Variants in CEP83 observed in about 807,000 individuals in gnomAD.
CEP83 encodes the protein centrosomal protein 83, also known as centrosomal protein of 83 kDa.
Under a neutral mutation model 101.9 loss-of-function variants are expected in CEP83, and 70 were observed. That is an observed-to-expected ratio of 0.69 (90% CI 0.57 to 0.84). The LOEUF (loss-of-function observed/expected upper bound fraction) is 0.84. CEP83 is among the 40% of genes least tolerant of loss of function. CEP83 has a pLI of 0.00. For synonymous variants in CEP83, 264 were observed against 267.9 expected (o/e 0.99, Z 0.14); for missense variants, 715 against 787.2 (o/e 0.91, Z 1.10).
chr12:94,391,145 C>T (rs188605608), intron 6 of CEP83, among the ~76,000 whole-genome samples: 4 of 152,140 alleles, frequency 2.6e-5, no homozygotes, highest in African/African-American at 7.2e-5. Context: ...AGACACTCCT[C>T]GAGAAGAGCA....
the CEP83 span, chr12:94,279,372 A>G: frequency 6.7e-5 from 59 of 881,346 alleles, no homozygotes; most frequent in Middle Eastern, 2.3e-4. Context: ...ATGTGCTGTC[A>G]GAGGTATTAG....
At chr12:94,348,319 T>A (rs2060036404) in intron 11 of CEP83, among the ~76,000 whole-genome samples, 1 of 152,064 alleles carries the variant, frequency 6.6e-6, no homozygotes, top group South Asian at 2.1e-4. Context: ...TTGGAGCTGA[T>A]CCTCTACAAC....
intron 1 of CEP83, among the ~76,000 whole-genome samples, chr12:94,450,624 A>G (rs2067180782): frequency 6.6e-6 from 1 of 152,230 alleles, no homozygotes; most frequent in South Asian, 2.1e-4. Flanking sequence ...AGAGCATCAA[A>G]ATTATAACAG....
intron 11 of CEP83, among the ~76,000 whole-genome samples, chr12:94,337,652 G>GA (rs1035422428): frequency 7.2e-5 from 11 of 152,098 alleles, no homozygotes; most frequent in African/African-American, 2.7e-4. Flanking sequence ...ACAAGGAACA[G>GA]AAAAAACTGC....
Position 94,323,129 on chromosome 12 carries a change from A to G in CEP83, c.1707+8571T>C, listed in dbSNP as rs2058818711. 1.3e-5 allele frequency among the ~76,000 whole-genome samples: 2 copies of G among 152,160 alleles called. 1 individual carries two copies. The highest frequency in any genetic ancestry group is 4.1e-4 in the South Asian group (2 of 4,834). On this transcript the variant is annotated intron_variant, in intron 14 of 16. Coordinates refer to ENST00000397809, the MANE Select transcript of CEP83 (RefSeq NM_016122.3). ...CCAAGCCAGTGGGTCTTATCCTGCA[A>G]GGTGCCATGGTAGTGGGGCCTGCAG...
intron 11 of CEP83, among the ~76,000 whole-genome samples, chr12:94,352,506 A>G (rs2060249053): frequency 6.6e-6 from 1 of 151,990 alleles, no homozygotes; most frequent in Non-Finnish European, 1.5e-5. Context: ...CCCTAACGAA[A>G]AAGAAATCTA....
chr12:94,427,014 G>A (rs936263729), intron 2 of CEP83, among the ~76,000 whole-genome samples: 2 of 152,102 alleles, frequency 1.3e-5, no homozygotes, highest in African/African-American at 4.8e-5. Context: ...CTATTATATG[G>A]TAATTTGTAA....
chr12:94,436,283 T>C (rs1160361517), intron 1 of CEP83, among the ~76,000 whole-genome samples: 1 of 150,882 alleles, frequency 6.6e-6, no homozygotes, highest in African/African-American at 2.4e-5. Context: ...ATTAAGCTAC[T>C]CAAGGGGGCA....
At chr12:94,319,817 T>C (rs1971341157) in intron 14 of CEP83, among the ~76,000 whole-genome samples, 2 of 152,204 alleles carry the variant, frequency 1.3e-5, no homozygotes, top group Non-Finnish European at 2.9e-5. Flanking sequence ...ATGAGAAGAA[T>C]GTATATTCCT....
In CEP83 at chr12:94,449,592, CA is replaced by C. The variant is rs554895321; in HGVS notation, c.-155+9964del. On this transcript the variant is annotated intron_variant, in intron 1 of 16. Coordinates refer to ENST00000397809, the MANE Select transcript of CEP83 (RefSeq NM_016122.3). ...GCAACATGGCAAAACCCTGTCTCTA[CA>C]AAAAATACCGAAAAAAAAAAAAAAA... 4.3e-3 allele frequency among the ~76,000 whole-genome samples: 563 copies of C among 132,014 alleles called. 4 individuals are homozygous for C. Among genetic ancestry groups the C allele is most frequent in the African/African-American group, 0.015 (539 of 35,532 alleles). The allele number at this position is 132,014 out of a possible 152,430, so 86.6% of individuals were successfully genotyped here.
At chr12:94,369,212 TG>T (rs2061171120) in intron 9 of CEP83, 1 of 152,278 alleles carries the variant, frequency 6.6e-6, no homozygotes, top group African/African-American at 2.4e-5. Flanking sequence ...CCCAGTACTT[TG>T]GGAGGCCGAG....
chr12:94,424,757 T>C (rs1262029728), intron 2 of CEP83: 2 of 1,611,946 alleles, frequency 1.2e-6, no homozygotes, highest in African/African-American at 2.7e-5. Flanking sequence ...CTTGACAAGA[T>C]CTTGGTCAGT....
intron 15 of CEP83, among the ~76,000 whole-genome samples, chr12:94,312,287 C>G (rs995169234): frequency 1.3e-5 from 2 of 152,184 alleles, no homozygotes; most frequent in Non-Finnish European, 2.9e-5. Context: ...AACACCAGTG[C>G]ACATCATAAA....
At chr12:94,324,725 G>T (rs2136411129) in intron 14 of CEP83, among the ~76,000 whole-genome samples, 1 of 152,206 alleles carries the variant, frequency 6.6e-6, no homozygotes, top group East Asian at 1.9e-4. Flanking sequence ...TATTGTTATT[G>T]TATTTTTTTA....
the CEP83 span, among the ~76,000 whole-genome samples, chr12:94,275,523 CT>C: frequency 6.6e-6 from 1 of 152,190 alleles, no homozygotes; most frequent in East Asian, 1.9e-4. Context: ...TGTTAAGAGG[CT>C]GACCCCAAGG....
At chr12:94,294,561 A>T in the CEP83 span, 1 of 1,076,894 alleles carries the variant, frequency 9.3e-7, no homozygotes. Context: ...TAATATTGTT[A>T]ACCTTTTGTT....
intron 11 of CEP83, among the ~76,000 whole-genome samples, chr12:94,340,683 C>T (rs1056747202): frequency 2.0e-5 from 3 of 152,154 alleles, no homozygotes; most frequent in East Asian, 1.9e-4. Flanking sequence ...GTGTTCCACC[C>T]GCCTCGGCCT....
chr12:94,275,190 C>T, the CEP83 span, among the ~76,000 whole-genome samples: 1 of 152,210 alleles, frequency 6.6e-6, no homozygotes, highest in South Asian at 2.1e-4. Flanking sequence ...GTGATAGTCA[C>T]TGATGGGTGA....
intron 6 of CEP83, among the ~76,000 whole-genome samples, chr12:94,396,611 G>A (rs1331711854): frequency 6.6e-6 from 1 of 151,996 alleles, no homozygotes; most frequent in Non-Finnish European, 1.5e-5. Flanking sequence ...TTCGTAAGAT[G>A]AGATATGTTC....
Sources: gnomAD v4.1 joint callset for allele counts (sites outside exome capture counted in the v4.1 genomes callset) on GRCh38, gnomAD v4.1.1 for gene constraint, MANE v1.5 for transcripts, NCBI Gene and HGNC (gene_info 2026-07-23, HGNC 2026-07-21) for gene names.